TTF2: variants seen among roughly 807,000 people sequenced by gnomAD.
The protein encoded by TTF2 is RNA polymerase II termination factor.
A neutral mutation model predicts 142.4 loss-of-function variants in TTF2; 108 were observed. The observed-to-expected ratio is 0.76, with a 90% CI of 0.65 to 0.89. The LOEUF is 0.89. TTF2 is among the 40% of genes least tolerant of loss of function. TTF2 has a pLI of 0.00. For synonymous variants in TTF2, 483 were observed against 506.2 expected (o/e 0.95, Z 0.61); for missense variants, 1,327 against 1,379.8 (o/e 0.96, Z 0.61).
At chr1:117,066,922 C>T (rs1204150810) in intron 3 of TTF2, among the ~76,000 whole-genome samples, 4 of 152,032 alleles carry the variant, frequency 2.6e-5, no homozygotes, top group African/African-American at 7.2e-5. Flanking sequence ...AGGCTGGTCT[C>T]AAACTCCTAG....
At position 117,073,379 on chromosome 1, in the gene TTF2, A is replaced by G. The variant is rs1373702702; in HGVS notation, c.219-282A>G. On this transcript the variant is annotated intron_variant, in intron 3 of 22. Coordinates refer to ENST00000369466, the MANE Select transcript of TTF2 (RefSeq NM_003594.4). The surrounding 1 kb of genome is among the most constrained non-coding windows in gnomAD (Gnocchi z 4.4). ...TCTCTGATTTTAGTAGCCATTGCTGATCAGTGTTTCTATTTCAGTCATTCG... is the reference window on the plus strand; with the variant it reads ...TCTCTGATTTTAGTAGCCATTGCTGGTCAGTGTTTCTATTTCAGTCATTCG... Among the ~76,000 whole-genome samples, 2 of 152,154 alleles carry G rather than the reference A, an allele frequency of 1.3e-5. No homozygotes were observed. The highest frequency in any genetic ancestry group is 2.9e-5 in the Non-Finnish European group (2 of 68,032).
Position 117,079,613 on chromosome 1 carries a change from T to C in TTF2, c.1747T>C (p.Trp583Arg). The C allele has an allele frequency of 1.2e-6, 2 of 1,614,210 alleles. No individual in the cohort carries two copies. Among genetic ancestry groups the C allele is most frequent in the African/African-American group, 2.7e-5 (2 of 75,062 alleles). ...GAAGCAGGCATTGGCTTGGTTACTA[T>C]GGCGAGAAAGTCAGAAGCCACAAGG... is the stretch of plus-strand genomic sequence containing the variant. ...HQKQALAWLL[W>R]RESQKPQGGI... is the part of the protein sequence containing the mutation. Residue 583 changes from tryptophan (W) to arginine (R), a missense_variant, in exon 9 of 23, where the codon TGG becomes CGG. By Grantham distance (101) the Trp-to-Arg change is moderately radical. Transcript: ENST00000369466. This position sits in a 1 kb window ranked among gnomAD's most constrained non-coding sequence, Gnocchi z 4.2.
chr1:117,081,827 G>A lies in TTF2; in HGVS notation c.1784-1G>A. On this transcript the variant is annotated splice_acceptor_variant, in intron 9 of 22. Transcript: ENST00000369466. LOFTEE classifies it high-confidence loss of function. ...CTCTTAATTTTGCTTTTATTTTCTAGCAGATGATATGGGCTTAGGAAAAAC... is the reference window on the plus strand; with the variant it reads ...CTCTTAATTTTGCTTTTATTTTCTAACAGATGATATGGGCTTAGGAAAAAC... The A allele has an allele frequency of 6.2e-7, 1 of 1,610,640 alleles. No homozygotes were observed.
rs148036415 is a variant in TTF2, at chr1:117,090,548, G to A, written c.2513G>A (p.Arg838His). Residue 838 changes from arginine to histidine, a missense_variant, in exon 15 of 23, where the codon CGT (arginine) becomes CAT (histidine). Coordinates refer to ENST00000369466, the MANE Select transcript of TTF2 (RefSeq NM_003594.4). The surrounding 1 kb of genome is among the most constrained non-coding windows in gnomAD (Gnocchi z 4.8). The part of the protein sequence containing the change: ...TGRPLVILPQ[R>H]KFQLHHLKLS... Reference sequence around the variant, plus strand: ...TTCTTCCAGGTGATACTGCCCCAGCGTAAATTTCAGTTGCACCATTTAAAG... The same window carrying A: ...TTCTTCCAGGTGATACTGCCCCAGCATAAATTTCAGTTGCACCATTTAAAG... The A allele has an allele frequency of 5.5e-3, 8,818 of 1,613,622 alleles. 36 individuals carry two copies. Among genetic ancestry groups the A allele is most frequent in the Non-Finnish European group, 6.8e-3 (7,967 of 1,179,792 alleles).
At chr1:117,061,145 T>A (rs573763367) in intron 2 of TTF2, among the ~76,000 whole-genome samples, 119 of 152,278 alleles carry the variant, frequency 7.8e-4, no homozygotes, top group Non-Finnish European at 1.4e-3. Context: ...ATCCCAGCAC[T>A]TTGGGAGGCG....
intron 18 of TTF2, chr1:117,094,793 T>C (rs1648958455): frequency 2.6e-6 from 1 of 378,566 alleles, no homozygotes; most frequent in East Asian, 7.8e-5. Flanking sequence ...ATATACAGTA[T>C]GACAAGGACC....
At chr1:117,089,274 A>ATATATATATATATATATATATATATG in intron 13 of TTF2, among the ~76,000 whole-genome samples, 1 of 150,742 alleles carries the variant, frequency 6.6e-6, no homozygotes, top group Non-Finnish European at 1.5e-5. Context: ...ATATATATAT[A>ATATATATATATATATATATATATATG]TATGCAAAAA....
In TTF2 at chr1:117,062,413, A is replaced by G; in HGVS notation, c.158A>G (p.His53Arg). 1 of 1,613,540 alleles carries G rather than the reference A, an allele frequency of 6.2e-7. No homozygotes were observed. Among genetic ancestry groups the G allele is most frequent in the Non-Finnish European group, 8.5e-7 (1 of 1,179,882 alleles). Residue 53 changes from histidine (H) to arginine (R), a missense_variant, in exon 3 of 23, where the codon CAT becomes CGT. His to Arg is a conservative substitution (Grantham distance 29, BLOSUM62 0). Coordinates refer to ENST00000369466, the MANE Select transcript of TTF2 (RefSeq NM_003594.4). ...ATTCCTGTTTCCCATTGCTTATTGC[A>G]TGAGGACTTTGTGGTAGAGCTTCAG... ...TDIPVSHCLL[H>R]EDFVVELQGL...
Position 117,088,800 on chromosome 1 carries a change from G to C in TTF2, c.2161-1G>C, listed in dbSNP as rs1648270888. ...CTGGATTTCACTTGTGATTCTTCCA[G>C]GGCACCTCAACACCTTTGCTTCGAA... On this transcript the variant is annotated splice_acceptor_variant, in intron 12 of 22. Coordinates refer to ENST00000369466, the MANE Select transcript of TTF2 (RefSeq NM_003594.4). LOFTEE classifies it high-confidence loss of function. 1 of 1,612,312 alleles carries C rather than the reference G, an allele frequency of 6.2e-7. No individual in the cohort carries two copies. Among genetic ancestry groups the C allele is most frequent in the Non-Finnish European group, 8.5e-7 (1 of 1,179,274 alleles).
At position 117,076,533 on chromosome 1, in the gene TTF2, T is replaced by C. The variant is rs1657020724; in HGVS notation, c.1391-108T>C. 1 of 1,250,090 alleles carries C rather than the reference T, an allele frequency of 8.0e-7. No individual in the cohort carries two copies. Among genetic ancestry groups the C allele is most frequent in the Non-Finnish European group, 1.1e-6 (1 of 905,280 alleles). 77.4% of individuals were successfully genotyped at this position (1,250,090 alleles called of 1,614,324 possible). A position where few individuals can be genotyped will look rare whatever the true frequency, so the allele number is the denominator to read the frequency against. ...AAAATGCTACCTTCTCTAGGAATCCTTCATCGGAATGGTGATGATCCCTCT... is the reference window on the plus strand; with the variant it reads ...AAAATGCTACCTTCTCTAGGAATCCCTCATCGGAATGGTGATGATCCCTCT... On this transcript the variant is annotated intron_variant, in intron 6 of 22. Transcript: ENST00000369466. This position sits in a 1 kb window ranked among gnomAD's most constrained non-coding sequence, Gnocchi z 4.6.
At position 117,087,020 on chromosome 1, in the gene TTF2, G is replaced by T. The variant is rs554464744; in HGVS notation, c.2160+498G>T. Among the ~76,000 whole-genome samples the T allele has an allele frequency of 6.6e-6, 1 of 152,188 alleles. No homozygotes were observed. The highest frequency in any genetic ancestry group is 1.9e-4 in the East Asian group (1 of 5,178). On this transcript the variant is annotated intron_variant, in intron 12 of 22. Coordinates refer to ENST00000369466, the MANE Select transcript of TTF2 (RefSeq NM_003594.4). The surrounding 1 kb of genome is among the most constrained non-coding windows in gnomAD (Gnocchi z 4.8). ...TGTGAATACGTGATGGTCTTCTAGG[G>T]TGTCCAGGGCAGCCTCAGTTATGTG...
chr1:117,079,872 T>C lies in TTF2; in HGVS notation c.1783+223T>C, dbSNP rs1167979039. 6.6e-6 allele frequency among the ~76,000 whole-genome samples: 1 copy of C among 152,212 alleles called. No individual in the cohort carries two copies. The highest frequency in any genetic ancestry group is 2.4e-5 in the African/African-American group (1 of 41,452). ...GGTTGCCAGCAGTAGAAGCTGACTC[T>C]GGCTGATTAAAGAGAGGAGGAGTTT... On this transcript the variant is annotated intron_variant, in intron 9 of 22. Transcript: ENST00000369466. The surrounding 1 kb of genome is among the most constrained non-coding windows in gnomAD (Gnocchi z 4.2).
chr1:117,085,682 T>C lies in TTF2; in HGVS notation c.2055-735T>C, dbSNP rs1301293908. On this transcript the variant is annotated intron_variant, in intron 11 of 22. Coordinates refer to ENST00000369466, the MANE Select transcript of TTF2 (RefSeq NM_003594.4). The surrounding 1 kb of genome is among the most constrained non-coding windows in gnomAD (Gnocchi z 4.7). ...TCAATAAATACTTTATTTTATTTTA[T>C]TATTTTATTTACTTTTGAGACAGGA... is the stretch of plus-strand genomic sequence containing the variant. Among the ~76,000 whole-genome samples, 1 of 152,158 alleles carries C rather than the reference T, an allele frequency of 6.6e-6. No homozygotes were observed. Among genetic ancestry groups the C allele is most frequent in the African/African-American group, 2.4e-5 (1 of 41,446 alleles).
chr1:117,062,573 T>C lies in TTF2; in HGVS notation c.218+100T>C, dbSNP rs529138300. The C allele has an allele frequency of 1.8e-4, 225 of 1,233,738 alleles. 3 individuals are homozygous for C. The South Asian group carries it at 3.4e-3, about 19-fold the overall frequency. The allele number at this position is 1,233,738 out of a possible 1,614,324, so 76.4% of individuals were successfully genotyped here. ...ATGTATTAGGATTGTTCTTTAAAAG[T>C]CATTTTAAAAAACAAAATTTGTATA... is the stretch of plus-strand genomic sequence containing the variant. On this transcript the variant is annotated intron_variant, in intron 3 of 22. Transcript: ENST00000369466.
Position 117,064,500 on chromosome 1 carries a change from A to G in TTF2, c.218+2027A>G, listed in dbSNP as rs953269069. On this transcript the variant is annotated intron_variant, in intron 3 of 22. Coordinates refer to ENST00000369466, the MANE Select transcript of TTF2 (RefSeq NM_003594.4). Reference sequence around the variant, plus strand: ...TCCAAGAATTGTCTAGAAGCTTTATAGTTTTATTTTTGTTTGTTTGTTTGT... The same window carrying G: ...TCCAAGAATTGTCTAGAAGCTTTATGGTTTTATTTTTGTTTGTTTGTTTGT... Among the ~76,000 whole-genome samples the G allele has an allele frequency of 8.0e-5, 6 of 75,276 alleles. No homozygotes were observed. In the East Asian group the frequency reaches 1.8e-3, roughly 23 times the overall value. 49.4% of individuals were successfully genotyped at this position (75,276 alleles called of 152,430 possible). A position where few individuals can be genotyped will look rare whatever the true frequency, so the allele number is the denominator to read the frequency against.
At position 117,102,269 on chromosome 1, in the gene TTF2, A is replaced by G. The variant is rs1405474636; in HGVS notation, c.*745A>G. The G allele has an allele frequency of 6.6e-6, 1 of 152,228 alleles. No homozygotes were observed. Among genetic ancestry groups the G allele is most frequent in the Non-Finnish European group, 1.5e-5 (1 of 68,050 alleles). The allele number at this position is 152,228 out of a possible 1,614,324, so 9.4% of individuals were successfully genotyped here. A position where few individuals can be genotyped will look rare whatever the true frequency, so the allele number is the denominator to read the frequency against. ...ATCTCTTCATCTCTTCTTGCCAGTG[A>G]TGTTGCACCTGTAACCATCTTTTTA... On this transcript the variant is annotated 3_prime_UTR_variant, in exon 23 of 23. Transcript: ENST00000369466.
rs1457218273 is a variant in TTF2, at chr1:117,060,329, C to G, written c.-18C>G. ...GAATTGGGGGCGGGGCTTTGTGGAACTTGGGGGACCCAGCGAAATGGAAGA... is the reference window on the plus strand; with the variant it reads ...GAATTGGGGGCGGGGCTTTGTGGAAGTTGGGGGACCCAGCGAAATGGAAGA... On this transcript the variant is annotated 5_prime_UTR_variant, in exon 1 of 23. Transcript: ENST00000369466. 2 of 1,593,498 alleles carry G rather than the reference C, an allele frequency of 1.3e-6. No homozygotes were observed. The highest frequency in any genetic ancestry group is 4.5e-5 in the East Asian group (2 of 44,644).
chr1:117,096,123 T>C (rs1649117384), intron 19 of TTF2, 26 bp from the exon 20 acceptor site: 1 of 1,612,618 alleles, frequency 6.2e-7, no homozygotes, highest in Admixed American at 1.7e-5. Flanking sequence ...TGTTAGGGTA[T>C]TTTTTTATTT....
Position 117,073,262 on chromosome 1 carries a change from G to A in TTF2, c.219-399G>A, listed in dbSNP as rs909250450. On this transcript the variant is annotated intron_variant, in intron 3 of 22. Transcript: ENST00000369466. This position sits in a 1 kb window ranked among gnomAD's most constrained non-coding sequence, Gnocchi z 4.4. ...TTAGTTTTTTGTTTGTTTTGGCTTC[G>A]TTGTTTTGGGGTTTTTTTTGGGGCA... Among the ~76,000 whole-genome samples the A allele has an allele frequency of 3.3e-5, 5 of 152,016 alleles. No individual in the cohort carries two copies. Among genetic ancestry groups the A allele is most frequent in the East Asian group, 1.9e-4 (1 of 5,182 alleles).
Sources: gnomAD v4.1 joint callset for allele counts (sites outside exome capture counted in the v4.1 genomes callset) on GRCh38, gnomAD v4.1.1 for gene constraint, Gnocchi (gnomAD v3.1) non-coding constraint, MANE v1.5 for transcripts, NCBI Gene and HGNC (gene_info 2026-07-23, HGNC 2026-07-21) for gene names.